The following CEP63 variants were observed in gnomAD, a reference collection of about 807,000 sequenced individuals.
CEP63 encodes centrosomal protein 63, also known as centrosomal protein of 63 kDa.
CEP63 carries 84 observed loss-of-function variants against 89.1 expected under a neutral mutation model. The ratio of observed to expected loss-of-function variants is 0.94; its 90% confidence interval spans 0.79 to 1.13. CEP63 has a LOEUF of 1.13. Ranked by LOEUF, CEP63 falls within the 50% of genes most tolerant of loss-of-function variation. The pLI is 0.00. For synonymous variants in CEP63, 267 were observed against 272.5 expected (o/e 0.98, Z 0.20); for missense variants, 838 against 813.3 (o/e 1.03, Z -0.37).
At chr3:134,682,328 T>A in the CEP63 span, among the ~76,000 whole-genome samples, 1 of 151,682 alleles carries the variant, frequency 6.6e-6, no homozygotes. Flanking sequence ...GAGAAATGAG[T>A]CTGCAATCGT....
chr3:134,651,029 G>C, the CEP63 span: 3 of 1,601,824 alleles, frequency 1.9e-6, no homozygotes, highest in African/African-American at 4.0e-5. Context: ...AAATGGCCCC[G>C]TGCGCGCAGC....
chr3:134,733,832 C>T, the CEP63 span, among the ~76,000 whole-genome samples: 1 of 152,192 alleles, frequency 6.6e-6, no homozygotes, highest in East Asian at 1.9e-4. Flanking sequence ...TGAGGCCACC[C>T]AGATTGTGGT....
chr3:134,554,715 T>G (rs1955765599), intron 12 of CEP63, among the ~76,000 whole-genome samples: 1 of 152,202 alleles, frequency 6.6e-6, no homozygotes, highest in African/African-American at 2.4e-5. Flanking sequence ...GTAAAAGTGT[T>G]CCTATTTCTC....
the CEP63 span, among the ~76,000 whole-genome samples, chr3:134,744,749 C>G: frequency 6.6e-6 from 1 of 152,122 alleles, no homozygotes; most frequent in Non-Finnish European, 1.5e-5. Context: ...AACTCCTGGG[C>G]TCAAGCAATC....
At chr3:134,535,420 T>C (rs1241066208) in intron 5 of CEP63, 2 of 151,886 alleles carry the variant, frequency 1.3e-5, no homozygotes, top group African/African-American at 2.4e-5. Flanking sequence ...CACATTTCTC[T>C]CATTTTTTCC....
the CEP63 span, among the ~76,000 whole-genome samples, chr3:134,748,034 T>C: frequency 1.3e-5 from 2 of 152,174 alleles, no homozygotes; most frequent in Non-Finnish European, 2.9e-5. Context: ...TCCTCCCACC[T>C]CGGCCTTCCA....
At chr3:134,680,051 A>G in the CEP63 span, among the ~76,000 whole-genome samples, 30 of 152,258 alleles carry the variant, frequency 2.0e-4, 1 homozygote, top group South Asian at 6.0e-3. Flanking sequence ...ATAAAAGGAG[A>G]TTAAGACACA....
At chr3:134,678,349 G>A in the CEP63 span, among the ~76,000 whole-genome samples, 1 of 152,232 alleles carries the variant, frequency 6.6e-6, no homozygotes, top group South Asian at 2.1e-4. Flanking sequence ...CCCAGGCCAG[G>A]TCATGTGCTC....
chr3:134,539,890 A>G (rs1951650441), intron 6 of CEP63, among the ~76,000 whole-genome samples: 1 of 152,190 alleles, frequency 6.6e-6, no homozygotes, highest in Non-Finnish European at 1.5e-5. Flanking sequence ...AATCACCCAT[A>G]ATTCTACCGT....
chr3:134,545,685 A>C lies in CEP63; in HGVS notation c.655A>C (p.Thr219Pro). Residue 219 changes from threonine (T) to proline (P), a missense_variant, in exon 7 of 15, where the codon ACT becomes CCT. Coordinates refer to ENST00000675561, the MANE Select transcript of CEP63 (RefSeq NM_001353108.3). Reference sequence around the variant, plus strand: ...CAGTAAACTGGAGCGGGCTAATGACACTATCTGTGCCAATGAGTTGGAAAT... The same window carrying C: ...CAGTAAACTGGAGCGGGCTAATGACCCTATCTGTGCCAATGAGTTGGAAAT... Reference protein sequence around the residue: ...LSSKLERANDTICANELEIER... With the variant: ...LSSKLERANDPICANELEIER... 6 of 1,614,084 alleles carry C rather than the reference A, an allele frequency of 3.7e-6. No individual in the cohort carries two copies. The highest frequency in any genetic ancestry group is 5.1e-6 in the Non-Finnish European group (6 of 1,179,982).
the CEP63 span, among the ~76,000 whole-genome samples, chr3:134,644,718 G>A: frequency 6.6e-5 from 10 of 152,312 alleles, no homozygotes; most frequent in South Asian, 2.1e-4. Context: ...AGTGGTTCCC[G>A]TGCCTGGGCC....
chr3:134,491,201 G>C (rs1289373222), intron 1 of CEP63, among the ~76,000 whole-genome samples: 1 of 152,178 alleles, frequency 6.6e-6, no homozygotes, highest in Non-Finnish European at 1.5e-5. Context: ...ATGTATATGA[G>C]TGCCTGTTGT....
downstream of CEP63, among the ~76,000 whole-genome samples, chr3:134,577,431 C>CTTTTTTTTTTT (rs10662705): frequency 4.6e-5 from 4 of 86,328 alleles, no homozygotes; most frequent in African/African-American, 4.7e-5. Flanking sequence ...TTCTAATCCA[C>CTTTTTTTTTTT]TTTTTTTTTT....
At chr3:134,595,899 G>A in the CEP63 span, among the ~76,000 whole-genome samples, 7 of 152,076 alleles carry the variant, frequency 4.6e-5, no homozygotes, top group Non-Finnish European at 1.0e-4. Flanking sequence ...ATATATCAAC[G>A]GTCTTCAAGA....
the CEP63 span, among the ~76,000 whole-genome samples, chr3:134,745,408 A>G: frequency 2.6e-5 from 4 of 152,154 alleles, no homozygotes; most frequent in African/African-American, 9.7e-5. Context: ...CTCTCCTTCA[A>G]TTCATAAAGT....
the CEP63 span, among the ~76,000 whole-genome samples, chr3:134,639,197 C>A: frequency 1.3e-5 from 2 of 152,000 alleles, no homozygotes; most frequent in Non-Finnish European, 2.9e-5. Context: ...TGATTCCACC[C>A]AGGATGCAGT....
At chr3:134,649,158 G>C in the CEP63 span, among the ~76,000 whole-genome samples, 1 of 152,140 alleles carries the variant, frequency 6.6e-6, no homozygotes, top group Non-Finnish European at 1.5e-5. Context: ...TCATAGCATC[G>C]GTGAGAAACG....
downstream of CEP63, among the ~76,000 whole-genome samples, chr3:134,576,621 A>T (rs1958219493): frequency 6.6e-6 from 1 of 152,266 alleles, no homozygotes; most frequent in African/African-American, 2.4e-5. Context: ...CATATGCAGA[A>T]TGTGGACTAT....
downstream of CEP63, among the ~76,000 whole-genome samples, chr3:134,566,806 G>A (rs1957778446): frequency 6.6e-6 from 1 of 152,082 alleles, no homozygotes; most frequent in Admixed American, 6.5e-5. Context: ...GGAGAAATTG[G>A]AACACTCATA....
Sources: gnomAD v4.1 joint callset for allele counts (sites outside exome capture counted in the v4.1 genomes callset) on GRCh38, gnomAD v4.1.1 for gene constraint, MANE v1.5 for transcripts, NCBI Gene and HGNC (gene_info 2026-07-23, HGNC 2026-07-21) for gene names.